The following THSD1 variants were observed in gnomAD, a reference collection of about 807,000 sequenced individuals.
The protein encoded by THSD1 is thrombospondin type 1 domain containing 1.
In THSD1, 34 loss-of-function variants were observed where a neutral mutation model predicts 46.3. The ratio of observed to expected loss-of-function variants is 0.74; its 90% CI spans 0.56 to 0.98. The LOEUF (loss-of-function observed/expected upper bound fraction) is 0.98. Ranked by LOEUF, THSD1 falls within the 50% of genes least tolerant of loss-of-function variation. The probability of loss-of-function intolerance (pLI) is 0.00; values close to 1 mark genes in which losing one functional copy is unlikely to be tolerated. For missense variants in THSD1, 1,023 were observed against 1,058.3 expected (o/e 0.97, Z 0.46); for synonymous variants, 407 against 416.5 (o/e 0.98, Z 0.28).
At chr13:52,403,938 ATTTT>A (rs67802176) in intron 1 of THSD1, among the ~76,000 whole-genome samples, 86 of 63,916 alleles carry the variant, frequency 1.3e-3, no homozygotes, top group African/African-American at 6.4e-3. Flanking sequence ...CATTATTCAC[ATTTT>A]TTTTTTTTTT....
intron 1 of THSD1, among the ~76,000 whole-genome samples, chr13:52,403,853 A>G (rs979620554): frequency 2.0e-5 from 3 of 151,808 alleles, no homozygotes; most frequent in Non-Finnish European, 4.4e-5. Flanking sequence ...GTTCTTTCAT[A>G]CTAGAGTCTA....
intron 3 of THSD1, among the ~76,000 whole-genome samples, chr13:52,396,441 G>T (rs1957812161): frequency 6.6e-6 from 1 of 152,186 alleles, no homozygotes; most frequent in Non-Finnish European, 1.5e-5. Context: ...AGAATGGCAT[G>T]AACCCGGGAG....
In THSD1 at chr13:52,378,113, G is replaced by A; in HGVS notation, c.1857C>T (p.Ser619=). The change falls in exon 5 of 5, where the codon AGC becomes AGT. Residue 619 remains serine (S), a synonymous_variant. Coordinates refer to ENST00000258613, the MANE Select transcript of THSD1 (RefSeq NM_018676.4). The part of the protein sequence containing the change: ...LNVTQASCAI[S]PSQTLIRKSQ... ...ACTTGCGGATCAGAGTCTGGCTGGG[G>A]CTTATGGCACAACTGGCCTGAGTCA... is the stretch of plus-strand genomic sequence containing the variant. 1 of 1,614,206 alleles carries A rather than the reference G, an allele frequency of 6.2e-7. No homozygotes were observed. The highest frequency in any genetic ancestry group is 8.5e-7 in the Non-Finnish European group (1 of 1,180,036).
At position 52,377,613 on chromosome 13, in the gene THSD1, C is replaced by T. The variant is rs763008272; in HGVS notation, c.2357G>A (p.Arg786Lys). The T allele has an allele frequency of 8.7e-6, 14 of 1,607,924 alleles. No homozygotes were observed. The South Asian group carries it at 1.5e-4, about 18-fold the overall frequency. The change falls in exon 5 of 5, where the codon AGG (arginine) becomes AAG (lysine). Residue 786 changes from arginine to lysine, a missense_variant. By Grantham distance (26) the Arg-to-Lys change is conservative. Coordinates refer to ENST00000258613, the MANE Select transcript of THSD1 (RefSeq NM_018676.4). The part of the protein sequence containing the change: ...SPISPKDNYQ[R>K]VSSLSPSQCR... ...CTGAGAAGGGCTCAGAGAACTGACC[C>T]TCTGGTAGTTATCTTTGGGGGATAT...
chr13:52,401,881 G>C (rs942918976), intron 2 of THSD1, among the ~76,000 whole-genome samples: 3 of 152,220 alleles, frequency 2.0e-5, no homozygotes, highest in Non-Finnish European at 4.4e-5. Flanking sequence ...ATCATCAAAA[G>C]TAGTGAAGAT....
chr13:52,393,280 G>C (rs1455650047), intron 3 of THSD1, among the ~76,000 whole-genome samples: 1 of 152,188 alleles, frequency 6.6e-6, no homozygotes, highest in East Asian at 1.9e-4. Flanking sequence ...AGTTAGAACA[G>C]TGCCTGATGC....
In THSD1 at chr13:52,378,610, T is replaced by G. The variant is rs1957662353; in HGVS notation, c.1360A>C (p.Ile454Leu). Reference protein sequence around the residue: ...KCSTPARHNSIHSPSFRKNSD... With the variant: ...KCSTPARHNSLHSPSFRKNSD... ...TTCTTCCGGAAGCTGGGGGAGTGGATGGAGTTGTGTCGAGCAGGTGTGCTG... is the reference window on the plus strand; with the variant it reads ...TTCTTCCGGAAGCTGGGGGAGTGGAGGGAGTTGTGTCGAGCAGGTGTGCTG... Residue 454 changes from isoleucine to leucine, a missense_variant, in exon 5 of 5, where the codon ATC becomes CTC. By Grantham distance (5) the Ile-to-Leu change is conservative. Transcript: ENST00000258613. The G allele has an allele frequency of 1.2e-6, 2 of 1,613,996 alleles. No homozygotes were observed. The highest frequency in any genetic ancestry group is 1.7e-6 in the Non-Finnish European group (2 of 1,180,008).
intron 4 of THSD1, among the ~76,000 whole-genome samples, chr13:52,380,615 T>G (rs73486116): frequency 6.6e-6 from 1 of 151,716 alleles, no homozygotes; most frequent in Admixed American, 6.6e-5. Context: ...CCTCACTAAA[T>G]TTTTTTGTAT....
chr13:52,403,745 T>G (rs1957883202), intron 1 of THSD1, among the ~76,000 whole-genome samples: 1 of 152,134 alleles, frequency 6.6e-6, no homozygotes, highest in African/African-American at 2.4e-5. Flanking sequence ...CCCAAAGTGC[T>G]GGGATTACAG....
intron 4 of THSD1, among the ~76,000 whole-genome samples, chr13:52,382,983 A>G (rs995902303): frequency 6.6e-6 from 1 of 151,520 alleles, no homozygotes; most frequent in Non-Finnish European, 1.5e-5. Context: ...CCTGGGCAAC[A>G]CAGCAAGACT....
rs147163943 is a variant in THSD1 at position 52,378,746 on chromosome 13, T to C, written c.1224A>G (p.Pro408=). The stretch of plus-strand genomic sequence containing the variant: ...CAGTCACGATGTTGTTGGACTTCAC[T>C]GGACCCTGGGGCTGAAGAGGAGATG... ...SSPSPLQPQG[P]VKSNNIVTVT... is the part of the protein sequence containing the mutation. Residue 408 remains proline, a synonymous_variant, in exon 5 of 5, where the codon CCA becomes CCG. Transcript: ENST00000258613. The C allele has an allele frequency of 1.9e-6, 3 of 1,611,890 alleles. No homozygotes were observed. Among genetic ancestry groups the C allele is most frequent in the Non-Finnish European group, 2.5e-6 (3 of 1,179,860 alleles).
intron 3 of THSD1, among the ~76,000 whole-genome samples, chr13:52,387,923 T>C (rs1398629325): frequency 6.6e-6 from 1 of 152,142 alleles, no homozygotes; most frequent in Admixed American, 6.6e-5. Context: ...CCAAAGTTAA[T>C]GAAAGACTCC....
chr13:52,403,841 C>T (rs1476554075), intron 1 of THSD1, among the ~76,000 whole-genome samples: 1 of 151,004 alleles, frequency 6.6e-6, no homozygotes, highest in African/African-American at 2.4e-5. Context: ...GCATTTAAGA[C>T]AGTTCTTTCA....
chr13:52,395,030 G>A (rs4406951), intron 3 of THSD1, among the ~76,000 whole-genome samples: 1 of 152,172 alleles, frequency 6.6e-6, no homozygotes, highest in Admixed American at 6.5e-5. Context: ...GAGAAGGAGA[G>A]AGGAGGGTGT....
Position 52,378,501 on chromosome 13 carries a change from C to T in THSD1, c.1469G>A (p.Gly490Glu), listed in dbSNP as rs913076508. ...GTAGGTCAGAGGGATGCCTGTGTCC[C>T]CTGGACTCCCCGTGGGCCCGTCTCC... Reference protein sequence around the residue: ...DGGDGPTGSPGDTGIPLTYRR... With the variant: ...DGGDGPTGSPEDTGIPLTYRR... The change falls in exon 5 of 5, where the codon GGG (glycine) becomes GAG (glutamate). Residue 490 changes from glycine (G) to glutamate (E), a missense_variant. Around this residue, in one of 3 missense-constraint regions of THSD1, gnomAD observed 578 missense variants for 497.4 expected, o/e 1.16. Coordinates refer to ENST00000258613, the MANE Select transcript of THSD1 (RefSeq NM_018676.4). 1.9e-6 allele frequency: 3 copies of T among 1,614,166 alleles called. No homozygotes were observed. The highest frequency in any genetic ancestry group is 2.5e-6 in the Non-Finnish European group (3 of 1,180,026).
chr13:52,388,966 C>CTTTT (rs551290422), intron 3 of THSD1, among the ~76,000 whole-genome samples: 9 of 144,490 alleles, frequency 6.2e-5, no homozygotes, highest in Admixed American at 4.2e-4. Context: ...CTAAATAACA[C>CTTTT]TTTTTTTTTT....
In THSD1 at chr13:52,377,782, T is replaced by C. The variant is rs766254115; in HGVS notation, c.2188A>G (p.Thr730Ala). 104 of 1,614,134 alleles carry C rather than the reference T, an allele frequency of 6.4e-5. No homozygotes were observed. The highest frequency in any genetic ancestry group is 8.3e-5 in the Non-Finnish European group (98 of 1,180,034). ...GPLNPLPKSY[T>A]LGQPLRKPDL... ...GGTTTCCTCAAGGGCTGCCCCAAAG[T>C]GTAGGATTTAGGGAGAGGGTTTAAT... is the stretch of plus-strand genomic sequence containing the variant. Residue 730 changes from threonine (T) to alanine (A), a missense_variant, in exon 5 of 5, where the codon ACT (threonine) becomes GCT (alanine). Thr to Ala is a moderately conservative substitution (Grantham distance 58, BLOSUM62 0). This residue lies in a region of THSD1 where 578 missense variants were observed against 497.4 expected (regional missense o/e 1.16). Coordinates refer to ENST00000258613, the MANE Select transcript of THSD1 (RefSeq NM_018676.4).
At chr13:52,384,904 A>T (rs889900628) in intron 4 of THSD1, among the ~76,000 whole-genome samples, 3 of 152,168 alleles carry the variant, frequency 2.0e-5, no homozygotes, top group African/African-American at 7.2e-5. Context: ...AGACAGGCAG[A>T]TGGAGGCTAG....
At chr13:52,394,468 G>T (rs1000698104) in intron 3 of THSD1, among the ~76,000 whole-genome samples, 3 of 152,062 alleles carry the variant, frequency 2.0e-5, no homozygotes, top group African/African-American at 7.2e-5. Context: ...ACAAAATTTA[G>T]CCAGGCATGG....
Sources: gnomAD v4.1 joint callset for allele counts (sites outside exome capture counted in the v4.1 genomes callset) on GRCh38, gnomAD v4.1.1 for gene constraint, gnomAD v4.1.1 regional missense constraint, MANE v1.5 for transcripts, NCBI Gene and HGNC (gene_info 2026-07-23, HGNC 2026-07-21) for gene names.